The following NCAPD3 variants were observed in gnomAD, a reference collection of about 807,000 sequenced individuals.
The protein encoded by NCAPD3 is non-SMC condensin II complex subunit D3.
A neutral mutation model predicts 182.9 loss-of-function variants in NCAPD3; 105 were observed. That is an observed-to-expected ratio of 0.57 (90% CI 0.49 to 0.68). The LOEUF is 0.68. NCAPD3 is among the 30% of genes least tolerant of loss of function. NCAPD3 has a pLI of 0.00. For synonymous variants in NCAPD3, 815 were observed against 679.9 expected, an observed-to-expected ratio of 1.20 and a Z score of -3.09; for missense variants, 1,944 against 1,837.0, an observed-to-expected ratio of 1.06 and a Z score of -1.07.
chr11:134,197,783 C>G (rs1037935758), intron 13 of NCAPD3, among the ~76,000 whole-genome samples: 2 of 152,112 alleles, frequency 1.3e-5, no homozygotes, highest in African/African-American at 4.8e-5. Flanking sequence ...CAAAGAAAAC[C>G]ACACAATCAT....
rs1221148870 is a variant in NCAPD3 at position 134,203,926 on chromosome 11, A to C, written c.1216-20T>G. ...TGGGATCTGGTAAAGCAAGATCATA[A>C]GAATTGCCATCAGATAGGAGTAAGA... On this transcript the variant is annotated intron_variant, in intron 10 of 34. Coordinates refer to ENST00000534548, the MANE Select transcript of NCAPD3 (RefSeq NM_015261.3). 1 of 1,610,108 alleles carries C rather than the reference A, an allele frequency of 6.2e-7. No homozygotes were observed. Among genetic ancestry groups the C allele is most frequent in the African/African-American group, 1.3e-5 (1 of 74,824 alleles).
chr11:134,156,675 G>A (rs1486530600), intron 32 of NCAPD3, among the ~76,000 whole-genome samples: 5 of 152,148 alleles, frequency 3.3e-5, no homozygotes, highest in East Asian at 1.9e-4. Context: ...ACCCAGCAGC[G>A]CCCAGTGCAC....
chr11:134,190,909 GT>G (rs1944510814), intron 16 of NCAPD3, among the ~76,000 whole-genome samples: 1 of 152,160 alleles, frequency 6.6e-6, no homozygotes, highest in Admixed American at 6.5e-5. Flanking sequence ...ATGTGAACAA[GT>G]TTTGTTTGAA....
At chr11:134,212,599 CCAGG>C (rs1371280936) in intron 3 of NCAPD3, among the ~76,000 whole-genome samples, 4 of 152,060 alleles carry the variant, frequency 2.6e-5, no homozygotes, top group Non-Finnish European at 5.9e-5. Context: ...ACCATGTTGG[CCAGG>C]CTGGTCTAGA....
intron 15 of NCAPD3, among the ~76,000 whole-genome samples, chr11:134,193,527 C>T (rs566883201): frequency 4.3e-4 from 66 of 152,270 alleles, no homozygotes; most frequent in African/African-American, 1.4e-3. Context: ...CCAAGGCAGG[C>T]GGGTCACCTG....
chr11:134,186,936 G>A (rs1357223251), intron 16 of NCAPD3, among the ~76,000 whole-genome samples: 1 of 152,130 alleles, frequency 6.6e-6, no homozygotes, highest in Non-Finnish European at 1.5e-5. Context: ...TATAAGCAAT[G>A]AACAAGTATT....
Position 134,152,963 on chromosome 11 carries a change from G to C in NCAPD3, c.4478C>G (p.Pro1493Arg). The C allele has an allele frequency of 6.4e-7, 1 of 1,562,144 alleles. No homozygotes were observed. Among genetic ancestry groups the C allele is most frequent in the Non-Finnish European group, 8.7e-7 (1 of 1,154,666 alleles). The change falls in exon 35 of 35, where the codon CCT becomes CGT. Residue 1493 changes from proline (P) to arginine (R), a missense_variant. Coordinates refer to ENST00000534548, the MANE Select transcript of NCAPD3 (RefSeq NM_015261.3). ...CGCTGTTTAGTTGGCTGTTTTCAGAGGGGTCTTTCGGAGGGACCTCCTGCT... is the reference window on the plus strand; with the variant it reads ...CGCTGTTTAGTTGGCTGTTTTCAGACGGGTCTTTCGGAGGGACCTCCTGCT... ...ACSRRSLRKT[P>R]LKTAN is the part of the protein sequence containing the mutation.
At chr11:134,212,320 T>C (rs1218971551) in intron 3 of NCAPD3, among the ~76,000 whole-genome samples, 1 of 151,854 alleles carries the variant, frequency 6.6e-6, no homozygotes, top group Admixed American at 6.6e-5. Flanking sequence ...TTATAACATG[T>C]AGAAAAAATA....
rs147103021 is a variant in NCAPD3 at position 134,184,977 on chromosome 11, G to T, written c.2261C>A (p.Thr754Asn). 3 of 1,613,638 alleles carry T rather than the reference G, an allele frequency of 1.9e-6. No homozygotes were observed. The South Asian group carries it at 3.3e-5, about 18-fold the overall frequency. Residue 754 changes from threonine (T) to asparagine (N), a missense_variant, in exon 18 of 35, where the codon ACC becomes AAC. Around this residue, in one of 3 missense-constraint regions of NCAPD3, gnomAD observed 1,803 missense variants for 1,674.6 expected, o/e 1.08. Transcript: ENST00000534548. Reference sequence around the variant, plus strand: ...AATCACACAGAGAATATGTCCTAAGGTGTTTGAATTGGGATTCTGCTGACT... The same window carrying T: ...AATCACACAGAGAATATGTCCTAAGTTGTTTGAATTGGGATTCTGCTGACT... Reference protein sequence around the residue: ...ISSQQNPNSNTLGHILCVIGH... With the variant: ...ISSQQNPNSNNLGHILCVIGH...
rs567249680 is a variant in NCAPD3 at position 134,168,987 on chromosome 11, T to C, written c.3169A>G (p.Ile1057Val). The change falls in exon 25 of 35, where the codon ATT (isoleucine) becomes GTT (valine). Residue 1057 changes from isoleucine to valine, a missense_variant. Ile to Val is a conservative substitution (Grantham distance 29). Around this residue, in one of 3 missense-constraint regions of NCAPD3, gnomAD observed 1,803 missense variants for 1,674.6 expected, o/e 1.08. Coordinates refer to ENST00000534548, the MANE Select transcript of NCAPD3 (RefSeq NM_015261.3). ...RNPVMFFQHF[I>V]ECIFHFNNYE... ...TTATTAAAGTGAAAAATACATTCAA[T>C]GAAGTGTTGGAAGAACATGACAGGG... 4 of 1,613,974 alleles carry C rather than the reference T, an allele frequency of 2.5e-6. No homozygotes were observed. The Admixed American group carries it at 5.0e-5, about 20-fold the overall frequency.
chr11:134,167,361 G>C (rs1239944101), intron 27 of NCAPD3, among the ~76,000 whole-genome samples: 1 of 101,568 alleles, frequency 9.8e-6, no homozygotes, highest in Non-Finnish European at 1.9e-5. Flanking sequence ...ATGAGCTTGG[G>C]GGAGGCGCAC....
Position 134,152,581 on chromosome 11 carries a change from C to CAAGTT in NCAPD3, c.*358_*362dup. ...GGGAAAATATGTACTATAAGGAATT[C>CAAGTT]AAGTTAACAGAGGCTTGATTTATAT... On this transcript the variant is annotated 3_prime_UTR_variant, in exon 35 of 35. Coordinates refer to ENST00000534548, the MANE Select transcript of NCAPD3 (RefSeq NM_015261.3). The CAAGTT allele has an allele frequency of 5.7e-6, 1 of 174,864 alleles. No homozygotes were observed. Among genetic ancestry groups the CAAGTT allele is most frequent in the Non-Finnish European group, 1.2e-5 (1 of 83,840 alleles). 10.8% of individuals were successfully genotyped at this position (174,864 alleles called of 1,614,324 possible).
intron 13 of NCAPD3, among the ~76,000 whole-genome samples, chr11:134,196,509 G>T (rs964267489): frequency 1.3e-5 from 2 of 151,894 alleles, no homozygotes; most frequent in Admixed American, 1.3e-4. Context: ...TGCCGGGTGT[G>T]GGGGCGGGTG....
intron 20 of NCAPD3, 93 bp downstream of exon 20, chr11:134,180,984 A>T (rs997767407): frequency 1.2e-6 from 1 of 866,566 alleles, no homozygotes; most frequent in African/African-American, 1.7e-5. Context: ...TTTTGTTAAA[A>T]GCATTTAAAG....
rs543768384 is a variant in NCAPD3 at position 134,172,044 on chromosome 11, T to G, written c.3102-2990A>C. ...ACCTACACATAGCGTGTGGACCAGA[T>G]AGTGTGTTGCCAAAAGTGTTCTGAC... On this transcript the variant is annotated intron_variant, in intron 24 of 34. Transcript: ENST00000534548. Among the ~76,000 whole-genome samples, 126 of 152,242 alleles carry G rather than the reference T, an allele frequency of 8.3e-4. 1 individual carries two copies. The highest frequency in any genetic ancestry group is 2.3e-3 in the African/African-American group (96 of 41,544).
chr11:134,198,936 A>G (rs1944691213), intron 13 of NCAPD3, among the ~76,000 whole-genome samples: 1 of 152,230 alleles, frequency 6.6e-6, no homozygotes. Flanking sequence ...ACTGATACAA[A>G]TTAAAGACCG....
intron 24 of NCAPD3, among the ~76,000 whole-genome samples, chr11:134,175,240 T>G (rs762250457): frequency 2.6e-5 from 4 of 152,202 alleles, no homozygotes; most frequent in Admixed American, 6.5e-5. Context: ...CGATTTTACC[T>G]CCCAGGTGCA....
intron 24 of NCAPD3, among the ~76,000 whole-genome samples, chr11:134,175,201 G>T (rs1471863623): frequency 6.6e-6 from 1 of 152,116 alleles, no homozygotes; most frequent in Non-Finnish European, 1.5e-5. Flanking sequence ...CAACAGCGGG[G>T]AAAAATGAGG....
At chr11:134,202,161 C>G (rs1944763302) in intron 13 of NCAPD3, among the ~76,000 whole-genome samples, 1 of 152,120 alleles carries the variant, frequency 6.6e-6, no homozygotes, top group East Asian at 1.9e-4. Context: ...ATTAATAAAC[C>G]CAATTATGTA....
Sources: allele counts gnomAD v4.1 joint callset (sites outside exome capture counted in the v4.1 genomes callset), GRCh38; gene constraint gnomAD v4.1.1; regional missense constraint gnomAD v4.1.1; transcripts MANE v1.5; gene names NCBI Gene and HGNC (gene_info 2026-07-23, HGNC 2026-07-21).